The following FMNL2 variants were observed in gnomAD, a reference collection of about 807,000 sequenced individuals.
FMNL2 encodes formin like 2.
Under a neutral mutation model 130.2 loss-of-function variants are expected in FMNL2, and 51 were observed. The observed-to-expected ratio is 0.39, with a 90% confidence interval of 0.31 to 0.49. FMNL2 has a LOEUF of 0.49. FMNL2 is among the 20% of genes least tolerant of loss of function. FMNL2 has a pLI of 0.85. For synonymous variants in FMNL2, 465 were observed against 467.1 expected (o/e 1.00, Z 0.06); for missense variants, 977 against 1,316.2 (o/e 0.74, Z 3.99).
chr2:152,567,583 T>A (rs575944959), intron 6 of FMNL2, among the ~76,000 whole-genome samples: 1 of 152,188 alleles, frequency 6.6e-6, no homozygotes, highest in African/African-American at 2.4e-5. Flanking sequence ...ATGAGTTTAA[T>A]TGATAGAAAA....
chr2:152,599,405 CTTTTTTTTT>C (rs35753197), intron 9 of FMNL2, among the ~76,000 whole-genome samples: 113 of 45,090 alleles, frequency 2.5e-3, no homozygotes, highest in African/African-American at 6.8e-3. Context: ...TGAAGGTCAT[CTTTTTTTTT>C]TTTTTTTTTT....
chr2:152,566,630 G>A (rs535036097), intron 6 of FMNL2, among the ~76,000 whole-genome samples: 13 of 152,296 alleles, frequency 8.5e-5, no homozygotes, highest in African/African-American at 3.1e-4. Flanking sequence ...GCCTTGCCAA[G>A]GGTTAAGGAT....
chr2:152,416,662 G>T (rs1283085685), intron 1 of FMNL2, among the ~76,000 whole-genome samples: 1 of 152,148 alleles, frequency 6.6e-6, no homozygotes, highest in African/African-American at 2.4e-5. Context: ...CTGACTTCTA[G>T]CCAGGCCAGG....
At chr2:152,489,274 CCT>C (rs1237001398) in intron 1 of FMNL2, among the ~76,000 whole-genome samples, 1 of 152,220 alleles carries the variant, frequency 6.6e-6, no homozygotes. Flanking sequence ...AAAGGCAACA[CCT>C]ATAACAGGAA....
intron 6 of FMNL2, among the ~76,000 whole-genome samples, chr2:152,564,786 T>TG (rs1431649236): frequency 2.0e-5 from 3 of 148,392 alleles, no homozygotes; most frequent in African/African-American, 7.5e-5. Flanking sequence ...GTTTTTTTTT[T>TG]TTTTTTTTTT....
Position 152,485,201 on chromosome 2 carries a change from A to G in FMNL2, c.118-36742A>G, listed in dbSNP as rs545186700. Reference sequence around the variant, plus strand: ...TGTCTACAAAATAATGTTAAAAATTAGCCATGCATGGCCGGGCACGGTGGC... The same window carrying G: ...TGTCTACAAAATAATGTTAAAAATTGGCCATGCATGGCCGGGCACGGTGGC... On this transcript the variant is annotated intron_variant, in intron 1 of 25. Transcript: ENST00000288670. Among the ~76,000 whole-genome samples, 23 of 152,310 alleles carry G rather than the reference A, an allele frequency of 1.5e-4. No individual in the cohort carries two copies. The East Asian group carries it at 4.4e-3, about 29-fold the overall frequency.
chr2:152,358,634 C>T (rs1212167269), intron 1 of FMNL2, among the ~76,000 whole-genome samples: 2 of 141,106 alleles, frequency 1.4e-5, no homozygotes, highest in Non-Finnish European at 3.0e-5. Flanking sequence ...AAGACTGCAT[C>T]TCAAAAAAAA....
At chr2:152,453,599 A>G (rs1688776941) in intron 1 of FMNL2, among the ~76,000 whole-genome samples, 1 of 152,182 alleles carries the variant, frequency 6.6e-6, no homozygotes, top group Admixed American at 6.5e-5. Context: ...GTTCAGATTC[A>G]ATGCCTGCTT....
At chr2:152,610,569 A>C (rs1288696765) in intron 10 of FMNL2, among the ~76,000 whole-genome samples, 1 of 152,230 alleles carries the variant, frequency 6.6e-6, no homozygotes, top group South Asian at 2.1e-4. Context: ...GGTCTTCTAT[A>C]ACGGGTTTTT....
intron 1 of FMNL2, among the ~76,000 whole-genome samples, chr2:152,406,034 C>A (rs1219091298): frequency 6.6e-6 from 1 of 152,084 alleles, no homozygotes; most frequent in African/African-American, 2.4e-5. Context: ...AGATTTTGGG[C>A]AAGGTATATA....
Position 152,647,873 on chromosome 2 carries a change from C to A in FMNL2, c.3247C>A (p.Arg1083Ser), listed in dbSNP as rs375946994. The A allele has an allele frequency of 5.6e-6, 9 of 1,613,632 alleles. No homozygotes were observed. In the Admixed American group the frequency reaches 8.3e-5, roughly 15 times the overall value. Reference sequence around the variant, plus strand: ...GCGGCGCTTTGATGATCAGAACTTGCGTTCTGTTAATGGTGCCGAAATAAC... The same window carrying A: ...GCGGCGCTTTGATGATCAGAACTTGAGTTCTGTTAATGGTGCCGAAATAAC... ...VRRRFDDQNL[R>S]SVNGAEITM The change falls in exon 26 of 26, where the codon CGT (arginine) becomes AGT (serine). Residue 1083 changes from arginine (R) to serine (S), a missense_variant. Physicochemically the swap from Arg to Ser is moderately radical, Grantham distance 110 (BLOSUM62 -1). Coordinates refer to ENST00000288670, the MANE Select transcript of FMNL2 (RefSeq NM_052905.4).
chr2:152,461,745 C>A (rs1689261542), intron 1 of FMNL2, among the ~76,000 whole-genome samples: 1 of 152,098 alleles, frequency 6.6e-6, no homozygotes, highest in Admixed American at 6.6e-5. Flanking sequence ...TATGTAATTA[C>A]AAAAAGAATT....
At chr2:152,380,820 G>A (rs1045804562) in intron 1 of FMNL2, among the ~76,000 whole-genome samples, 1 of 152,166 alleles carries the variant, frequency 6.6e-6, no homozygotes, top group African/African-American at 2.4e-5. Context: ...TATAGCTAGT[G>A]TCTGTAAGAC....
intron 2 of FMNL2, among the ~76,000 whole-genome samples, chr2:152,532,676 T>G (rs1462958993): frequency 6.6e-6 from 1 of 151,618 alleles, no homozygotes; most frequent in Non-Finnish European, 1.5e-5. Flanking sequence ...GGCATGATCT[T>G]GGCTCATTGC....
At chr2:152,450,258 A>G (rs1688563366) in intron 1 of FMNL2, among the ~76,000 whole-genome samples, 1 of 152,238 alleles carries the variant, frequency 6.6e-6, no homozygotes, top group Non-Finnish European at 1.5e-5. Flanking sequence ...CTTTACATTA[A>G]TAAGAAAGAG....
chr2:152,393,187 A>G (rs989355433), intron 1 of FMNL2, among the ~76,000 whole-genome samples: 1 of 152,206 alleles, frequency 6.6e-6, no homozygotes, highest in African/African-American at 2.4e-5. Context: ...TTAAAAGTAC[A>G]GGTAAGACAC....
At chr2:152,599,071 C>T (rs1429917872) in intron 9 of FMNL2, among the ~76,000 whole-genome samples, 1 of 152,194 alleles carries the variant, frequency 6.6e-6, no homozygotes, top group Non-Finnish European at 1.5e-5. Context: ...TTCACCCTTC[C>T]TCCAAATTCT....
At chr2:152,559,070 C>T (rs985488429) in intron 5 of FMNL2, among the ~76,000 whole-genome samples, 3 of 152,124 alleles carry the variant, frequency 2.0e-5, no homozygotes, top group Non-Finnish European at 4.4e-5. Flanking sequence ...TCAAAAGTAA[C>T]GCTTTCTTTA....
chr2:152,521,297 G>A (rs1342724866), intron 1 of FMNL2, among the ~76,000 whole-genome samples: 1 of 152,132 alleles, frequency 6.6e-6, no homozygotes, highest in African/African-American at 2.4e-5. Flanking sequence ...GGGTTTATAC[G>A]AGTGCTGATG....
Sources: gnomAD v4.1 joint callset for allele counts (sites outside exome capture counted in the v4.1 genomes callset) on GRCh38, gnomAD v4.1.1 for gene constraint, MANE v1.5 for transcripts, NCBI Gene and HGNC (gene_info 2026-07-23, HGNC 2026-07-21) for gene names.